Variants in ANO2 observed in about 807,000 individuals in gnomAD.
ANO2 encodes anoctamin 2.
In ANO2, 101 loss-of-function variants were observed where a neutral mutation model predicts 124.2. The ratio of observed to expected loss-of-function variants is 0.81; its 90% CI spans 0.69 to 0.96. ANO2 has a LOEUF of 0.96. Ranked by LOEUF, ANO2 falls within the 40% of genes least tolerant of loss-of-function variation. ANO2 has a pLI of 0.00. For synonymous variants in ANO2, 486 were observed against 482.5 expected (o/e 1.01, Z -0.09); for missense variants, 1,293 against 1,274.5 (o/e 1.01, Z -0.22).
chr12:5,662,723 T>A (rs1483716146), intron 14 of ANO2, among the ~76,000 whole-genome samples: 1 of 152,246 alleles, frequency 6.6e-6, no homozygotes, highest in Non-Finnish European at 1.5e-5. Context: ...TGGTATTTGA[T>A]AACACTGAAC....
chr12:5,899,698 G>T (rs1940049754), intron 3 of ANO2, among the ~76,000 whole-genome samples: 1 of 152,204 alleles, frequency 6.6e-6, no homozygotes, highest in Non-Finnish European at 1.5e-5. Flanking sequence ...GGGATGCAAA[G>T]GTCCCTCGGA....
At chr12:5,927,087 T>G (rs1942115432) in intron 1 of ANO2, among the ~76,000 whole-genome samples, 1 of 152,170 alleles carries the variant, frequency 6.6e-6, no homozygotes, top group African/African-American at 2.4e-5. Flanking sequence ...CTGCTCTGCT[T>G]CAAGTCCCTG....
intron 1 of ANO2, 64 bp downstream of exon 1, chr12:5,945,132 T>C: frequency 1.6e-6 from 2 of 1,264,920 alleles, no homozygotes; most frequent in Non-Finnish European, 2.1e-6. Context: ...GGATGCCGCC[T>C]CCTTCACTCC....
In ANO2 at chr12:5,904,204, G is replaced by C. The variant is rs781734060; in HGVS notation, c.534+16836C>G. ...ATGTAAGCAGCTTATGGAAGCTGTA[G>C]TAAAGAAGGGGGGACTCCCATCTGG... On this transcript the variant is annotated intron_variant, in intron 3 of 24. Transcript: ENST00000682330. This position sits in a 1 kb window ranked among gnomAD's most constrained non-coding sequence, Gnocchi z 4.1. Among the ~76,000 whole-genome samples, 2 of 152,220 alleles carry C rather than the reference G, an allele frequency of 1.3e-5. No homozygotes were observed. Among genetic ancestry groups the C allele is most frequent in the Non-Finnish European group, 2.9e-5 (2 of 68,040 alleles).
intron 3 of ANO2, among the ~76,000 whole-genome samples, chr12:5,899,156 G>A (rs1411970236): frequency 4.6e-5 from 7 of 152,194 alleles, no homozygotes; most frequent in Non-Finnish European, 5.9e-5. Flanking sequence ...CATTGATTGA[G>A]ACAGTCGCCT....
chr12:5,672,625 GTGTA>G (rs1414363832), intron 14 of ANO2, among the ~76,000 whole-genome samples: 1 of 151,628 alleles, frequency 6.6e-6, no homozygotes, highest in African/African-American at 2.4e-5. Context: ...GTGCACATGT[GTGTA>G]TGTCTCTGTG....
rs1173938393 is a variant in ANO2 at position 5,635,583 on chromosome 12, G to T, written c.1621-236C>A. Among the ~76,000 whole-genome samples the T allele has an allele frequency of 7.1e-6, 1 of 140,688 alleles. No individual in the cohort carries two copies. Among genetic ancestry groups the T allele is most frequent in the Non-Finnish European group, 1.5e-5 (1 of 66,136 alleles). The allele number at this position is 140,688 out of a possible 152,430, so 92.3% of individuals were successfully genotyped here. A position where few individuals can be genotyped will look rare whatever the true frequency, so the allele number is the denominator to read the frequency against. ...GGGGAGAATGTCTTAATTTTTGTCA[G>T]ATTCCAAATGATTTATCACACACAC... On this transcript the variant is annotated intron_variant, in intron 15 of 24. Coordinates refer to ENST00000682330, the MANE Select transcript of ANO2 (RefSeq NM_001364791.2). The surrounding 1 kb of genome is among the most constrained non-coding windows in gnomAD (Gnocchi z 5.2).
intron 3 of ANO2, among the ~76,000 whole-genome samples, chr12:5,860,864 T>G (rs1279671489): frequency 6.6e-6 from 1 of 152,152 alleles, no homozygotes; most frequent in African/African-American, 2.4e-5. Flanking sequence ...ATCAGAAACT[T>G]TTCTGCCTCA....
At chr12:5,661,316 G>C (rs185777620) in intron 14 of ANO2, among the ~76,000 whole-genome samples, 1 of 152,302 alleles carries the variant, frequency 6.6e-6, no homozygotes, top group Non-Finnish European at 1.5e-5. Flanking sequence ...CGGAACCTTA[G>C]AGCATTTGTT....
intron 12 of ANO2, chr12:5,739,945 T>C (rs1455169698): frequency 2.2e-6 from 1 of 456,184 alleles, no homozygotes; most frequent in Non-Finnish European, 4.4e-6. Context: ...CCATCCTGCA[T>C]GTAGCTGATA....
At chr12:5,634,626 G>A (rs772203978) in intron 16 of ANO2, among the ~76,000 whole-genome samples, 7 of 152,186 alleles carry the variant, frequency 4.6e-5, no homozygotes, top group Non-Finnish European at 7.3e-5. Context: ...GGCTTGAAGC[G>A]TGGGAAGTCT....
chr12:5,733,462 A>G (rs1407035589), intron 13 of ANO2, among the ~76,000 whole-genome samples: 1 of 152,200 alleles, frequency 6.6e-6, no homozygotes, highest in African/African-American at 2.4e-5. Flanking sequence ...TCAAGAACAA[A>G]CATCTACAGG....
At chr12:5,829,533 C>T (rs762302996) in intron 6 of ANO2, among the ~76,000 whole-genome samples, 7 of 152,262 alleles carry the variant, frequency 4.6e-5, no homozygotes, top group Non-Finnish European at 1.0e-4. Context: ...TTCTTACCAC[C>T]CTATTAGCTG....
intron 14 of ANO2, among the ~76,000 whole-genome samples, chr12:5,679,583 A>G (rs1438096922): frequency 6.6e-6 from 1 of 152,224 alleles, no homozygotes; most frequent in African/African-American, 2.4e-5. Flanking sequence ...AAAAACCACA[A>G]TGAGATACCA....
chr12:5,915,586 C>T (rs1461105110), intron 3 of ANO2, among the ~76,000 whole-genome samples: 5 of 152,166 alleles, frequency 3.3e-5, no homozygotes, highest in African/African-American at 1.2e-4. Context: ...AACCCAGAGC[C>T]TAAAAGATTG....
chr12:5,801,820 T>C (rs893618868), intron 9 of ANO2, among the ~76,000 whole-genome samples: 2 of 152,226 alleles, frequency 1.3e-5, no homozygotes, highest in African/African-American at 4.8e-5. Context: ...CCTAATCTTA[T>C]TCTTATTAGT....
At chr12:5,600,803 C>T (rs1008641820) in intron 19 of ANO2, among the ~76,000 whole-genome samples, 3 of 152,130 alleles carry the variant, frequency 2.0e-5, no homozygotes, top group Non-Finnish European at 4.4e-5. Context: ...TTTTGAAGTC[C>T]ATGCTTCATC....
chr12:5,910,905 C>T (rs1941009200), intron 3 of ANO2, among the ~76,000 whole-genome samples: 1 of 152,210 alleles, frequency 6.6e-6, no homozygotes, highest in Non-Finnish European at 1.5e-5. Context: ...AAACCTTTCA[C>T]ACTTGCACAG....
At chr12:5,585,245 A>G (rs1251103801) in intron 20 of ANO2, among the ~76,000 whole-genome samples, 1 of 152,102 alleles carries the variant, frequency 6.6e-6, no homozygotes, top group Non-Finnish European at 1.5e-5. Flanking sequence ...CAAATTCACA[A>G]AAAACTACTT....
Sources: gnomAD v4.1 joint callset for allele counts (sites outside exome capture counted in the v4.1 genomes callset) on GRCh38, gnomAD v4.1.1 for gene constraint, Gnocchi (gnomAD v3.1) non-coding constraint, MANE v1.5 for transcripts, NCBI Gene and HGNC (gene_info 2026-07-23, HGNC 2026-07-21) for gene names.